ENPP2: variants seen among roughly 807,000 people sequenced by gnomAD.
ENPP2 encodes autotaxin.
Under a neutral mutation model 120.2 loss-of-function variants are expected in ENPP2, and 51 were observed. The observed-to-expected ratio is 0.42, with a 90% CI of 0.34 to 0.54. ENPP2 has a LOEUF of 0.54. ENPP2 is among the 20% of genes least tolerant of loss of function. ENPP2 has a pLI of 0.04. For missense variants in ENPP2, 920 were observed against 1,066.5 expected (o/e 0.86, Z 1.91); for synonymous variants, 365 against 366.4 (o/e 1.00, Z 0.04).
At chr8:119,639,737 C>G (rs1470659615), upstream of ENPP2, among the ~76,000 whole-genome samples, 1 of 152,072 alleles carries the variant, frequency 6.6e-6, no homozygotes, top group Non-Finnish European at 1.5e-5. Context: ...AGAATTGTTT[C>G]CCTAGTTATT....
chr8:119,652,022 T>C (rs1817640911), intron 1 of ENPP2, among the ~76,000 whole-genome samples: 1 of 152,188 alleles, frequency 6.6e-6, no homozygotes, highest in African/African-American at 2.4e-5. Flanking sequence ...AGTCCATTCA[T>C]GCTTCTATAA....
chr8:119,617,611 G>T, intron 5 of ENPP2, 48 bp from the exon 6 acceptor site: 2 of 1,274,586 alleles, frequency 1.6e-6, no homozygotes, highest in Non-Finnish European at 2.3e-6. Context: ...TACCAGAGTT[G>T]CCATTACGCC....
intron 13 of ENPP2, among the ~76,000 whole-genome samples, chr8:119,588,999 A>G (rs1440668303): frequency 6.6e-6 from 1 of 152,150 alleles, no homozygotes; most frequent in East Asian, 1.9e-4. Context: ...CTGAGCCTCA[A>G]TTTCTACTGT....
At chr8:119,583,847 G>T in intron 16 of ENPP2, 43 bp from the exon 17 acceptor site, 2 of 1,420,394 alleles carry the variant, frequency 1.4e-6, no homozygotes, top group Non-Finnish European at 2.0e-6. Context: ...AGCATTGTTA[G>T]GTAGGAACCC....
At chr8:119,583,592 C>T in intron 17 of ENPP2, 125 bp downstream of exon 17, 1 of 611,928 alleles carries the variant, frequency 1.6e-6, no homozygotes, top group Non-Finnish European at 2.9e-6. Context: ...CAAGTTACAA[C>T]CTTTTGTGGG....
chr8:119,566,340 T>C (rs990924882), intron 22 of ENPP2, among the ~76,000 whole-genome samples: 1 of 152,216 alleles, frequency 6.6e-6, no homozygotes, highest in Non-Finnish European at 1.5e-5. Flanking sequence ...ATGGGTGTCA[T>C]GCGGTTCTGG....
At chr8:119,670,223 T>A (rs1417134628) in intron 1 of ENPP2, among the ~76,000 whole-genome samples, 2 of 152,176 alleles carry the variant, frequency 1.3e-5, no homozygotes, top group African/African-American at 2.4e-5. Context: ...AGATGTGAAT[T>A]AGAGAGGGAG....
chr8:119,665,969 A>C (rs2130907048), intron 1 of ENPP2, among the ~76,000 whole-genome samples: 1 of 152,324 alleles, frequency 6.6e-6, no homozygotes, highest in East Asian at 1.9e-4. Flanking sequence ...GAGTTTGCCA[A>C]ACAAATCATG....
At chr8:119,581,763 CTTTTT>C (rs35114182) in intron 18 of ENPP2, among the ~76,000 whole-genome samples, 1 of 141,128 alleles carries the variant, frequency 7.1e-6, no homozygotes, top group Non-Finnish European at 1.5e-5. Context: ...TTTTCATTTC[CTTTTT>C]TTTTTTTTTG....
At chr8:119,657,549 G>A (rs1017092493) in intron 1 of ENPP2, among the ~76,000 whole-genome samples, 1 of 152,182 alleles carries the variant, frequency 6.6e-6, no homozygotes, top group Non-Finnish European at 1.5e-5. Flanking sequence ...CCTTAGCAGT[G>A]GGCTGCAGCA....
intron 15 of ENPP2, 141 bp from the exon 16 acceptor site, chr8:119,584,190 A>G: frequency 1.6e-6 from 1 of 618,698 alleles, no homozygotes; most frequent in Non-Finnish European, 2.9e-6. Flanking sequence ...TCTTGTGATG[A>G]TGAAAAGAGG....
intron 19 of ENPP2, chr8:119,571,056 ATAATG>A (rs1814934032): frequency 1.9e-5 from 7 of 359,268 alleles, no homozygotes; most frequent in Non-Finnish European, 3.4e-5. Flanking sequence ...TATCAAAACC[ATAATG>A]TAAATGCTGT....
intron 8 of ENPP2, among the ~76,000 whole-genome samples, chr8:119,609,912 A>G (rs1052227796): frequency 2.0e-5 from 3 of 152,190 alleles, no homozygotes; most frequent in Non-Finnish European, 4.4e-5. Context: ...GCACTTTCAA[A>G]AAGTATACGG....
In ENPP2 at chr8:119,593,868, A is replaced by G. The variant is rs757473285; in HGVS notation, c.973-8T>C. Reference sequence around the variant, plus strand: ...CCTCAGAGGATTTGTCATCTAGGAAAAAGAAGCAAGTTAGTCCCCACAGGG... The same window carrying G: ...CCTCAGAGGATTTGTCATCTAGGAAGAAGAAGCAAGTTAGTCCCCACAGGG... On this transcript the variant is annotated splice_region_variant and splice_polypyrimidine_tract_variant and intron_variant, in intron 11 of 24. Transcript: ENST00000075322. 5 of 1,525,800 alleles carry G rather than the reference A, an allele frequency of 3.3e-6. No homozygotes were observed. In the African/African-American group the frequency reaches 5.5e-5, roughly 17 times the overall value. 94.5% of individuals were successfully genotyped at this position (1,525,800 alleles called of 1,614,324 possible).
At chr8:119,582,688 G>C (rs1240763211) in intron 17 of ENPP2, 86 bp from the exon 18 acceptor site, 1 of 973,578 alleles carries the variant, frequency 1.0e-6, no homozygotes, top group Non-Finnish European at 1.6e-6. Context: ...CACCTTCTAT[G>C]GGTCTGAAAA....
At chr8:119,622,955 G>A (rs1816009046) in intron 3 of ENPP2, among the ~76,000 whole-genome samples, 1 of 151,982 alleles carries the variant, frequency 6.6e-6, no homozygotes, top group African/African-American at 2.4e-5. Context: ...GGAAGTAACA[G>A]GTGGCATTGA....
intron 4 of ENPP2, 77 bp from the exon 5 acceptor site, chr8:119,619,381 C>A: frequency 3.1e-6 from 3 of 971,658 alleles, no homozygotes; most frequent in Non-Finnish European, 1.6e-6. Context: ...ATTCCAGGAT[C>A]TGTGTCCTGT....
At chr8:119,596,825 T>C (rs923580865) in intron 11 of ENPP2, among the ~76,000 whole-genome samples, 5 of 152,232 alleles carry the variant, frequency 3.3e-5, no homozygotes, top group African/African-American at 9.6e-5. Context: ...TTGCATGCTA[T>C]GGGTTTTGTT....
chr8:119,610,515 AG>A (rs1305346062), intron 8 of ENPP2, among the ~76,000 whole-genome samples: 1 of 151,558 alleles, frequency 6.6e-6, no homozygotes, highest in Non-Finnish European at 1.5e-5. Flanking sequence ...AGAGAGAGAG[AG>A]AAGCTTCCCG....
Sources: gnomAD v4.1 joint callset for allele counts (sites outside exome capture counted in the v4.1 genomes callset) on GRCh38, gnomAD v4.1.1 for gene constraint, MANE v1.5 for transcripts, NCBI Gene and HGNC (gene_info 2026-07-23, HGNC 2026-07-21) for gene names.